Variants in PDZD2 observed in about 807,000 individuals in gnomAD.
PDZD2 encodes PDZ domain containing 2, also known as PDZ domain-containing protein 2.
PDZD2 carries 90 observed loss-of-function variants against 220.7 expected under a neutral mutation model. The observed-to-expected ratio is 0.41, with a 90% CI of 0.34 to 0.49. The LOEUF (loss-of-function observed/expected upper bound fraction) is 0.49, where lower values mean the gene tolerates loss of function less well. Ranked by LOEUF, PDZD2 falls within the 20% of genes least tolerant of loss-of-function variation. The pLI, the probability that PDZD2 is intolerant of heterozygous loss-of-function variation, is 0.28. For synonymous variants in PDZD2, 1,375 were observed against 1,450.5 expected, an observed-to-expected ratio of 0.95 and a Z score of 1.18; for missense variants, 3,174 against 3,608.5, an observed-to-expected ratio of 0.88 and a Z score of 3.08.
chr5:32,019,617 C>T (rs1445722374), intron 6 of PDZD2, among the ~76,000 whole-genome samples: 2 of 152,140 alleles, frequency 1.3e-5, no homozygotes, highest in African/African-American at 4.8e-5. Context: ...CTACGTTAGG[C>T]GTGCTTGATG....
At chr5:32,081,888 A>T (rs915691780) in intron 19 of PDZD2, among the ~76,000 whole-genome samples, 1 of 151,142 alleles carries the variant, frequency 6.6e-6, no homozygotes, top group Non-Finnish European at 1.5e-5. Context: ...CGCCCAGCTG[A>T]TTTTTTTGTA....
intron 1 of PDZD2, among the ~76,000 whole-genome samples, chr5:31,770,536 A>G (rs950900476): frequency 6.6e-6 from 1 of 152,156 alleles, no homozygotes; most frequent in Non-Finnish European, 1.5e-5. Context: ...ATTGGCTGTC[A>G]GTGGGGTCAG....
intron 2 of PDZD2, among the ~76,000 whole-genome samples, chr5:31,966,206 C>G (rs1327168692): frequency 6.6e-6 from 1 of 152,158 alleles, no homozygotes. Flanking sequence ...ATTATGAATT[C>G]TACCTTGGTA....
intron 2 of PDZD2, among the ~76,000 whole-genome samples, chr5:31,954,551 G>A (rs1250419645): frequency 6.6e-6 from 1 of 152,134 alleles, no homozygotes; most frequent in Non-Finnish European, 1.5e-5. Context: ...GGCTTTGGAA[G>A]AGTCAGGGAC....
chr5:31,994,034 G>A (rs1264328199), intron 3 of PDZD2, among the ~76,000 whole-genome samples: 3 of 151,874 alleles, frequency 2.0e-5, no homozygotes, highest in African/African-American at 7.3e-5. Flanking sequence ...TTGTTTGTTG[G>A]GGGGATGGAG....
At chr5:31,822,086 G>A (rs1337545324) in intron 2 of PDZD2, among the ~76,000 whole-genome samples, 2 of 152,028 alleles carry the variant, frequency 1.3e-5, no homozygotes, top group Non-Finnish European at 2.9e-5. Context: ...TCTTTATCCA[G>A]TCTATCATTG....
chr5:31,735,946 AAAAAC>A (rs1230773645), intron 1 of PDZD2, among the ~76,000 whole-genome samples: 1 of 152,212 alleles, frequency 6.6e-6, no homozygotes, highest in African/African-American at 2.4e-5. Flanking sequence ...ATCTGTCTTA[AAAAAC>A]AAAACAAAAC....
intron 1 of PDZD2, among the ~76,000 whole-genome samples, chr5:31,787,017 G>A (rs1753420014): frequency 1.3e-5 from 2 of 152,164 alleles, no homozygotes; most frequent in Non-Finnish European, 2.9e-5. Context: ...AAGAATATGT[G>A]ATAATGCTAT....
At chr5:31,693,738 C>A (rs558155189) in intron 1 of PDZD2, among the ~76,000 whole-genome samples, 2 of 152,208 alleles carry the variant, frequency 1.3e-5, no homozygotes, top group African/African-American at 4.8e-5. Context: ...CTCTCCAGTT[C>A]GCTGGCATAT....
intron 14 of PDZD2, among the ~76,000 whole-genome samples, chr5:32,066,879 T>C (rs1032403610): frequency 1.3e-5 from 2 of 152,258 alleles, no homozygotes; most frequent in Admixed American, 6.5e-5. Context: ...TCCATGTTTC[T>C]AGCCACAATA....
chr5:31,849,941 T>C (rs1360205284), intron 2 of PDZD2, among the ~76,000 whole-genome samples: 382 of 24,972 alleles, frequency 0.015, 132 homozygotes, highest in African/African-American at 0.091. Context: ...TACACATATA[T>C]ATATATACAT....
intron 1 of PDZD2, among the ~76,000 whole-genome samples, chr5:31,685,328 T>G (rs67316346): frequency 0.19 from 28,997 of 152,166 alleles, 3,126 homozygotes; most frequent in East Asian, 0.34. Context: ...AAAAGCAAGC[T>G]AGACTTTTCT....
Position 31,903,342 on chromosome 5 carries a change from C to T in PDZD2, c.477-79813C>T, listed in dbSNP as rs909895316. Reference sequence around the variant, plus strand: ...AAATAAAAAAATATTATTATGTAATCTAGGGGTAGAAAGAATAGGAAAGGT... The same window carrying T: ...AAATAAAAAAATATTATTATGTAATTTAGGGGTAGAAAGAATAGGAAAGGT... On this transcript the variant is annotated intron_variant, in intron 2 of 24. Coordinates refer to ENST00000438447, the MANE Select transcript of PDZD2 (RefSeq NM_178140.4). Among the ~76,000 whole-genome samples, 5 of 151,356 alleles carry T rather than the reference C, an allele frequency of 3.3e-5. No homozygotes were observed. In the East Asian group the frequency reaches 7.7e-4, roughly 23 times the overall value.
chr5:32,039,373 C>G (rs1025591327), intron 7 of PDZD2, among the ~76,000 whole-genome samples: 3 of 151,888 alleles, frequency 2.0e-5, no homozygotes, highest in Non-Finnish European at 2.9e-5. Flanking sequence ...TCCCCAGGTG[C>G]TGGGATTGCA....
chr5:31,927,371 T>C (rs1744885768), intron 2 of PDZD2, among the ~76,000 whole-genome samples: 2 of 95,814 alleles, frequency 2.1e-5, no homozygotes. Flanking sequence ...CTACTTTCTT[T>C]TTTGGGTGTT....
At chr5:31,855,387 G>C (rs984500659) in intron 2 of PDZD2, among the ~76,000 whole-genome samples, 1 of 152,266 alleles carries the variant, frequency 6.6e-6, no homozygotes, top group Non-Finnish European at 1.5e-5. Flanking sequence ...GTGTTCCTCG[G>C]GAGGAGTAAG....
intron 2 of PDZD2, among the ~76,000 whole-genome samples, chr5:31,846,830 C>G (rs974254582): frequency 6.6e-6 from 1 of 152,206 alleles, no homozygotes; most frequent in Non-Finnish European, 1.5e-5. Context: ...CTTTCTTCAG[C>G]TTTTTACAGC....
intron 2 of PDZD2, among the ~76,000 whole-genome samples, chr5:31,883,395 A>G (rs1455753122): frequency 2.6e-5 from 4 of 150,948 alleles, no homozygotes; most frequent in Non-Finnish European, 5.9e-5. Context: ...TAGTTTTTGT[A>G]TTTTTAGTAG....
At chr5:31,685,822 A>G (rs1746833610) in intron 1 of PDZD2, among the ~76,000 whole-genome samples, 1 of 151,694 alleles carries the variant, frequency 6.6e-6, no homozygotes, top group African/African-American at 2.4e-5. Context: ...CACCCAGCCC[A>G]TATTATTTTC....
Sources: gnomAD v4.1 joint callset for allele counts (sites outside exome capture counted in the v4.1 genomes callset) on GRCh38, gnomAD v4.1.1 for gene constraint, MANE v1.5 for transcripts, NCBI Gene and HGNC (gene_info 2026-07-23, HGNC 2026-07-21) for gene names.